The following PFDN1 variants were observed in gnomAD, a reference collection of about 807,000 sequenced individuals.
PFDN1 encodes the protein prefoldin 1.
Under a neutral mutation model 17.3 loss-of-function variants are expected in PFDN1, and 6 were observed. That is an observed-to-expected ratio of 0.35 (90% CI 0.19 to 0.69). The LOEUF (loss-of-function observed/expected upper bound fraction) is 0.69, where lower values mean the gene tolerates loss of function less well. Ranked by LOEUF, PFDN1 falls within the 30% of genes least tolerant of loss-of-function variation. The probability of loss-of-function intolerance (pLI) is 0.65; values close to 1 mark genes in which losing one functional copy is unlikely to be tolerated. For synonymous variants in PFDN1, 58 were observed against 50.1 expected (o/e 1.16, Z -0.67); for missense variants, 113 against 146.2 (o/e 0.77, Z 1.17).
chr5:140,292,898 C>T (rs1474464454), intron 2 of PFDN1: 1 of 152,058 alleles, frequency 6.6e-6, no homozygotes, highest in Non-Finnish European at 1.5e-5. Context: ...AACTGACTCA[C>T]CTTCTAAGTC....
At chr5:140,251,078 G>A (rs1314942430) in intron 3 of PFDN1, among the ~76,000 whole-genome samples, 1 of 151,960 alleles carries the variant, frequency 6.6e-6, no homozygotes, top group Non-Finnish European at 1.5e-5. Flanking sequence ...GAGGATTACA[G>A]GTGAGTACCA....
intron 3 of PFDN1, among the ~76,000 whole-genome samples, chr5:140,266,524 C>G (rs1765135958): frequency 6.6e-6 from 1 of 152,194 alleles, no homozygotes; most frequent in Admixed American, 6.5e-5. Flanking sequence ...TAAAAACAAT[C>G]CTTTTTTACC....
In PFDN1 at chr5:140,288,943, C is replaced by T. The variant is rs141187818; in HGVS notation, c.201-7410G>A. Among the ~76,000 whole-genome samples the T allele has an allele frequency of 5.3e-3, 802 of 152,078 alleles. 9 individuals are homozygous for T. The highest frequency in any genetic ancestry group is 0.018 in the African/African-American group (760 of 41,472). ...GAGTTTGCAGTGAGCCGAGATCACACCACTGCACTCCAGCCTAGGCGACAG... is the reference window on the plus strand; with the variant it reads ...GAGTTTGCAGTGAGCCGAGATCACATCACTGCACTCCAGCCTAGGCGACAG... On this transcript the variant is annotated intron_variant, in intron 2 of 3. Coordinates refer to ENST00000261813, the MANE Select transcript of PFDN1 (RefSeq NM_002622.5).
At chr5:140,253,371 C>T (rs1445096871) in intron 3 of PFDN1, among the ~76,000 whole-genome samples, 1 of 152,142 alleles carries the variant, frequency 6.6e-6, no homozygotes, top group Non-Finnish European at 1.5e-5. Context: ...TCTGCCAAGA[C>T]GAACCCGAAC....
At chr5:140,249,566 T>C (rs1005266107) in intron 3 of PFDN1, among the ~76,000 whole-genome samples, 1 of 152,136 alleles carries the variant, frequency 6.6e-6, no homozygotes, top group Non-Finnish European at 1.5e-5. Context: ...AGTCTGTTTG[T>C]GTTGCTCTAA....
chr5:140,259,634 A>AGTTT (rs1255191657), intron 3 of PFDN1, among the ~76,000 whole-genome samples: 3 of 152,150 alleles, frequency 2.0e-5, no homozygotes, highest in Admixed American at 6.5e-5. Context: ...TTTACAGTGG[A>AGTTT]GTTTGGCCTG....
intron 3 of PFDN1, among the ~76,000 whole-genome samples, chr5:140,277,133 G>C (rs190558296): frequency 3.9e-4 from 60 of 151,974 alleles, no homozygotes; most frequent in Non-Finnish European, 6.6e-4. Context: ...GAGGCAGGCA[G>C]GAGAATCACT....
chr5:140,264,020 CAAAA>C (rs58605224), intron 3 of PFDN1, among the ~76,000 whole-genome samples: 11 of 55,556 alleles, frequency 2.0e-4, no homozygotes, highest in African/African-American at 9.9e-4. Context: ...GACTCCATCT[CAAAA>C]AAAAAAAAAA....
chr5:140,265,158 CT>C (rs1160749578), intron 3 of PFDN1, among the ~76,000 whole-genome samples: 2 of 152,106 alleles, frequency 1.3e-5, no homozygotes, highest in African/African-American at 4.8e-5. Context: ...CGACTCAGGT[CT>C]AACAGAACTG....
intron 3 of PFDN1, chr5:140,262,528 C>T (rs1352797891): frequency 8.8e-6 from 4 of 456,210 alleles, no homozygotes; most frequent in Non-Finnish European, 1.8e-5. Context: ...ATCAAACTGA[C>T]CTGCTGGCAC....
intron 3 of PFDN1, among the ~76,000 whole-genome samples, chr5:140,272,548 C>T (rs1179538149): frequency 2.6e-5 from 4 of 151,268 alleles, no homozygotes; most frequent in African/African-American, 7.3e-5. Flanking sequence ...TTAGTAGAGA[C>T]GGGGTTTCAC....
At chr5:140,298,397 GAAGT>G (rs1291479839) in intron 2 of PFDN1, among the ~76,000 whole-genome samples, 3 of 151,506 alleles carry the variant, frequency 2.0e-5, no homozygotes, top group Admixed American at 2.0e-4. Flanking sequence ...CTCCAAATCT[GAAGT>G]AATGGTCTAC....
intron 3 of PFDN1, among the ~76,000 whole-genome samples, chr5:140,260,005 A>G (rs1439534960): frequency 6.6e-6 from 1 of 152,172 alleles, no homozygotes; most frequent in Non-Finnish European, 1.5e-5. Context: ...TGCAAATTTA[A>G]AAAATCACAA....
chr5:140,256,658 C>CAAAAAAAAAAAAAAAAAAAAAAAAAAAA (rs757723797), intron 3 of PFDN1, among the ~76,000 whole-genome samples: 2 of 39,888 alleles, frequency 5.0e-5, no homozygotes, highest in African/African-American at 7.1e-5. Context: ...CAAAAAATGA[C>CAAAAAAAAAAAAAAAAAAAAAAAAAAAA]AAAAAAAAAA....
chr5:140,266,827 A>G lies in PFDN1; in HGVS notation c.285+14622T>C, dbSNP rs929469836. Among the ~76,000 whole-genome samples the G allele has an allele frequency of 3.3e-5, 5 of 152,268 alleles. 1 individual carries two copies. In the East Asian group the frequency reaches 7.7e-4, roughly 23 times the overall value. On this transcript the variant is annotated intron_variant, in intron 3 of 3. Transcript: ENST00000261813. ...ATCAACAGCTTTACAAGCAAGTACTAGACTGCTGTCTCTATAGAGAGCTGC... is the reference window on the plus strand; with the variant it reads ...ATCAACAGCTTTACAAGCAAGTACTGGACTGCTGTCTCTATAGAGAGCTGC...
chr5:140,250,008 C>T (rs1237338244), intron 3 of PFDN1, among the ~76,000 whole-genome samples: 1 of 152,142 alleles, frequency 6.6e-6, no homozygotes, highest in Non-Finnish European at 1.5e-5. Flanking sequence ...ACAGCAGGGG[C>T]ATCCTTCATT....
chr5:140,270,097 C>T (rs545987699), intron 3 of PFDN1, among the ~76,000 whole-genome samples: 5 of 151,940 alleles, frequency 3.3e-5, no homozygotes, highest in Non-Finnish European at 7.4e-5. Context: ...TTGGAGGACA[C>T]CTGTGATGTA....
intron 1 of PFDN1, among the ~76,000 whole-genome samples, chr5:140,301,701 T>C (rs905198138): frequency 6.6e-6 from 1 of 152,240 alleles, no homozygotes; most frequent in Non-Finnish European, 1.5e-5. Flanking sequence ...TTTCTTAGTT[T>C]GCATTCACCG....
chr5:140,285,426 G>A (rs1038989139), intron 2 of PFDN1, among the ~76,000 whole-genome samples: 17 of 151,258 alleles, frequency 1.1e-4, no homozygotes, highest in East Asian at 3.9e-4. Flanking sequence ...GAATTTTTAC[G>A]TCGTAATTTT....
Sources: gnomAD v4.1 joint callset for allele counts (sites outside exome capture counted in the v4.1 genomes callset) on GRCh38, gnomAD v4.1.1 for gene constraint, MANE v1.5 for transcripts, NCBI Gene and HGNC (gene_info 2026-07-23, HGNC 2026-07-21) for gene names.